ATP9B: variants seen among roughly 807,000 people sequenced by gnomAD.
ATP9B encodes the protein ATPase phospholipid transporting 9B.
A neutral mutation model predicts 146.1 loss-of-function variants in ATP9B; 110 were observed. That is an observed-to-expected ratio of 0.75 (90% CI 0.65 to 0.88). The LOEUF (loss-of-function observed/expected upper bound fraction) is 0.88, where lower values mean the gene tolerates loss of function less well. ATP9B is among the 40% of genes least tolerant of loss of function. The pLI is 0.00. For synonymous variants in ATP9B, 604 were observed against 569.7 expected, an observed-to-expected ratio of 1.06 and a Z score of -0.86; for missense variants, 1,499 against 1,496.4, an observed-to-expected ratio of 1.00 and a Z score of -0.03.
intron 13 of ATP9B, among the ~76,000 whole-genome samples, chr18:79,301,420 A>C (rs1035504975): frequency 1.3e-5 from 2 of 152,212 alleles, no homozygotes; most frequent in African/African-American, 4.8e-5. Flanking sequence ...TGAACCCAGG[A>C]GGCAGAGGTT....
chr18:79,185,099 G>A (rs377618237), intron 8 of ATP9B, among the ~76,000 whole-genome samples: 5 of 152,132 alleles, frequency 3.3e-5, no homozygotes, highest in African/African-American at 7.2e-5. Flanking sequence ...AGGGATAGGC[G>A]GGTTGCATGG....
intron 26 of ATP9B, among the ~76,000 whole-genome samples, chr18:79,371,452 C>T (rs904422186): frequency 6.6e-5 from 10 of 150,450 alleles, no homozygotes; most frequent in South Asian, 4.2e-4. Context: ...TTCATATTCA[C>T]GTGTGAGGGC....
intron 8 of ATP9B, among the ~76,000 whole-genome samples, chr18:79,186,756 C>A (rs1288746789): frequency 6.6e-6 from 1 of 152,222 alleles, no homozygotes; most frequent in African/African-American, 2.4e-5. Context: ...AACAGTTGCA[C>A]TGTGGTAAAC....
chr18:79,199,348 A>T (rs145495184), intron 9 of ATP9B, among the ~76,000 whole-genome samples: 80 of 152,346 alleles, frequency 5.3e-4, no homozygotes, highest in African/African-American at 1.8e-3. Flanking sequence ...CTCTATTAAT[A>T]ACACTTAGCT....
intron 12 of ATP9B, among the ~76,000 whole-genome samples, chr18:79,266,340 C>G (rs1022033810): frequency 2.6e-5 from 4 of 151,698 alleles, no homozygotes; most frequent in Non-Finnish European, 5.9e-5. Context: ...GGTAAAAATC[C>G]TATTGATTTT....
At chr18:79,087,772 C>T (rs897113497) in intron 1 of ATP9B, 1 of 152,112 alleles carries the variant, frequency 6.6e-6, no homozygotes. Context: ...CTTGAGAGTT[C>T]CTAATTTTTT....
At chr18:79,307,448 A>T in intron 15 of ATP9B, 1 of 618,988 alleles carries the variant, frequency 1.6e-6, no homozygotes, top group Non-Finnish European at 2.7e-6. Flanking sequence ...CGGCCGCCAC[A>T]TCTCGGCACA....
chr18:79,085,903 T>C (rs2073777575), intron 1 of ATP9B: 1 of 152,222 alleles, frequency 6.6e-6, no homozygotes, highest in South Asian at 2.1e-4. Context: ...ATACTAGATT[T>C]CTCATTCTGA....
At chr18:79,086,453 A>AAAAAAAAAG (rs2073839662) in intron 1 of ATP9B, 1 of 150,856 alleles carries the variant, frequency 6.6e-6, no homozygotes, top group Admixed American at 6.6e-5. Flanking sequence ...AAAAAAAAAA[A>AAAAAAAAAG]AAGATAAAAT....
At chr18:79,290,528 T>C (rs1445599927) in intron 13 of ATP9B, among the ~76,000 whole-genome samples, 2 of 152,200 alleles carry the variant, frequency 1.3e-5, no homozygotes, top group Non-Finnish European at 2.9e-5. Flanking sequence ...CACCCCTTTC[T>C]TTGACTAGGA....
chr18:79,083,534 T>G (rs1039815572), intron 1 of ATP9B, among the ~76,000 whole-genome samples: 4 of 152,098 alleles, frequency 2.6e-5, no homozygotes, highest in Non-Finnish European at 5.9e-5. Flanking sequence ...GCCCTGGTGG[T>G]GTAGGCATCG....
At chr18:79,267,432 T>C (rs1429106948) in intron 12 of ATP9B, among the ~76,000 whole-genome samples, 1 of 152,118 alleles carries the variant, frequency 6.6e-6, no homozygotes, top group African/African-American at 2.4e-5. Context: ...TTCTTACTTA[T>C]CTATTTCCTC....
chr18:79,177,651 A>G (rs1192600391), intron 8 of ATP9B, among the ~76,000 whole-genome samples: 1 of 152,176 alleles, frequency 6.6e-6, no homozygotes, highest in Non-Finnish European at 1.5e-5. Flanking sequence ...AATCTTTCAA[A>G]TCAGTAAAAC....
intron 1 of ATP9B, among the ~76,000 whole-genome samples, chr18:79,083,134 G>A (rs902715588): frequency 1.1e-4 from 16 of 152,198 alleles, no homozygotes; most frequent in Non-Finnish European, 1.6e-4. Context: ...AGGCAGTCTG[G>A]CTACAGTGGC....
intron 15 of ATP9B, among the ~76,000 whole-genome samples, chr18:79,308,443 T>C (rs1235196086): frequency 1.3e-5 from 2 of 152,194 alleles, no homozygotes; most frequent in African/African-American, 4.8e-5. Context: ...TTCGCACACA[T>C]GGAGCATCAT....
At position 79,126,320 on chromosome 18, in the gene ATP9B, T is replaced by G; in HGVS notation, c.612T>G (p.Arg204=). 1.2e-6 allele frequency: 2 copies of G among 1,611,960 alleles called. No individual in the cohort carries two copies. The highest frequency in any genetic ancestry group is 1.7e-6 in the Non-Finnish European group (2 of 1,178,558). Residue 204 remains arginine (R), a synonymous_variant, in exon 5 of 30, where the codon CGT becomes CGG. Coordinates refer to ENST00000426216, the MANE Select transcript of ATP9B (RefSeq NM_198531.5). ...GGGAAGCAATTGATGAATTTCGGCG[T>G]TTTCAGCGTGACAAGGAAGTGAATT... ...MTREAIDEFR[R]FQRDKEVNSQ...
chr18:79,137,083 A>G (rs1880111437), intron 5 of ATP9B, among the ~76,000 whole-genome samples: 1 of 152,240 alleles, frequency 6.6e-6, no homozygotes, highest in Non-Finnish European at 1.5e-5. Flanking sequence ...GCCAAACCAT[A>G]TCATACTTTA....
intron 11 of ATP9B, among the ~76,000 whole-genome samples, chr18:79,243,936 T>A (rs1408411955): frequency 3.3e-5 from 5 of 152,184 alleles, no homozygotes; most frequent in Non-Finnish European, 5.9e-5. Context: ...CATTTTGAAA[T>A]TAATTACTGA....
chr18:79,334,750 G>A (rs897900035), intron 17 of ATP9B, among the ~76,000 whole-genome samples: 22 of 152,006 alleles, frequency 1.4e-4, no homozygotes, highest in African/African-American at 4.3e-4. Flanking sequence ...GAGACCCACC[G>A]GCGCCCTCCC....
Sources: gnomAD v4.1 joint callset for allele counts (sites outside exome capture counted in the v4.1 genomes callset) on GRCh38, gnomAD v4.1.1 for gene constraint, MANE v1.5 for transcripts, NCBI Gene and HGNC (gene_info 2026-07-23, HGNC 2026-07-21) for gene names.